The following GRK5 variants were observed in gnomAD, a reference collection of about 807,000 sequenced individuals.
GRK5 encodes the protein G protein-coupled receptor kinase 5.
In GRK5, 40 loss-of-function variants were observed where a neutral mutation model predicts 78.4. The ratio of observed to expected loss-of-function variants is 0.51; its 90% CI spans 0.40 to 0.66. GRK5 has a LOEUF of 0.66. Among genes scored for constraint, GRK5 ranks in the 30% least tolerant of loss-of-function variants. The pLI is 0.00. For missense variants in GRK5, 598 were observed against 759.9 expected (o/e 0.79, Z 2.50); for synonymous variants, 289 against 296.8 (o/e 0.97, Z 0.27).
chr10:119,425,206 T>G (rs1852651281), intron 6 of GRK5, 121 bp downstream of exon 6: 1 of 683,184 alleles, frequency 1.5e-6, no homozygotes, highest in African/African-American at 1.8e-5. Context: ...TTAACCCGAC[T>G]CCCCCTGTTA....
chr10:119,445,491 C>T lies in GRK5; in HGVS notation c.1266+1739C>T, dbSNP rs1853126785. Among the ~76,000 whole-genome samples, 1 of 152,168 alleles carries T rather than the reference C, an allele frequency of 6.6e-6. No homozygotes were observed. Among genetic ancestry groups the T allele is most frequent in the African/African-American group, 2.4e-5 (1 of 41,442 alleles). ...TGGAGCTGGGATCTCCTGCTGCAGC[C>T]TGGACCAGGGTGCTGCTGTCCCTCT... On this transcript the variant is annotated intron_variant, in intron 12 of 15. Coordinates refer to ENST00000392870, the MANE Select transcript of GRK5 (RefSeq NM_005308.3). This position sits in a 1 kb window ranked among gnomAD's most constrained non-coding sequence, Gnocchi z 4.1.
intron 1 of GRK5, among the ~76,000 whole-genome samples, chr10:119,321,354 C>A (rs1290731112): frequency 1.3e-5 from 2 of 152,230 alleles, no homozygotes; most frequent in Non-Finnish European, 2.9e-5. Context: ...TAGTATCTTA[C>A]CGTTCTGGAG....
At chr10:119,423,143 C>G in intron 4 of GRK5, 23 bp from the exon 5 acceptor site, 1 of 1,546,428 alleles carries the variant, frequency 6.5e-7, no homozygotes, top group Non-Finnish European at 8.9e-7. Context: ...CACTGACCAC[C>G]TCCCTTCCCT....
At chr10:119,394,215 GGT>G (rs1851947895) in intron 3 of GRK5, among the ~76,000 whole-genome samples, 1 of 135,850 alleles carries the variant, frequency 7.4e-6, no homozygotes, top group Non-Finnish European at 1.6e-5. Flanking sequence ...TCTGTGTGTG[GGT>G]ACGTGTGGGT....
intron 1 of GRK5, among the ~76,000 whole-genome samples, chr10:119,250,418 G>A (rs1849180562): frequency 6.6e-6 from 1 of 151,982 alleles, no homozygotes; most frequent in African/African-American, 2.4e-5. Flanking sequence ...ATTTGAGGCA[G>A]GGTCTCGCTC....
At chr10:119,259,368 A>T (rs1436024565) in intron 1 of GRK5, among the ~76,000 whole-genome samples, 3 of 151,640 alleles carry the variant, frequency 2.0e-5, no homozygotes, top group Non-Finnish European at 4.4e-5. Flanking sequence ...CCGGCCTAAC[A>T]CTCCCTCTTT....
At chr10:119,290,118 G>A (rs961840093) in intron 1 of GRK5, among the ~76,000 whole-genome samples, 11 of 152,154 alleles carry the variant, frequency 7.2e-5, no homozygotes, top group East Asian at 3.9e-4. Flanking sequence ...AGGCCAAGGC[G>A]GGTGGATTGC....
At chr10:119,417,567 AT>A (rs751736371) in intron 4 of GRK5, among the ~76,000 whole-genome samples, 3,256 of 55,534 alleles carry the variant, frequency 0.059, 73 homozygotes, top group East Asian at 0.2. Context: ...CAACAGTCTC[AT>A]CATTGAAAAT....
rs375707009 is a variant in GRK5, at chr10:119,352,563, A to G, written c.148+25952A>G. On this transcript the variant is annotated intron_variant, in intron 2 of 15. Transcript: ENST00000392870. ...GACTGCAGTTGAGTGGGTAAGAAAA[A>G]GCCTCCTCTAACCAGACTTGCCTCT... Among the ~76,000 whole-genome samples the G allele has an allele frequency of 5.1e-4, 78 of 152,282 alleles. No individual in the cohort carries two copies. In the East Asian group the frequency reaches 7.5e-3, roughly 15 times the overall value.
At chr10:119,239,597 A>G (rs1037289356) in intron 1 of GRK5, among the ~76,000 whole-genome samples, 1 of 152,122 alleles carries the variant, frequency 6.6e-6, no homozygotes, top group Non-Finnish European at 1.5e-5. Context: ...TTTGTTACAT[A>G]GGTATACATG....
At chr10:119,423,072 G>T (rs1014269199) in intron 4 of GRK5, 94 bp from the exon 5 acceptor site, 3 of 787,002 alleles carry the variant, frequency 3.8e-6, no homozygotes, top group East Asian at 2.4e-5. Flanking sequence ...AGCACCTGGA[G>T]CGTGGCTGGT....
At chr10:119,239,561 T>C (rs1051186770) in intron 1 of GRK5, among the ~76,000 whole-genome samples, 1 of 152,152 alleles carries the variant, frequency 6.6e-6, no homozygotes, top group East Asian at 1.9e-4. Flanking sequence ...TTTTAAGTTC[T>C]GGGATACATG....
intron 1 of GRK5, among the ~76,000 whole-genome samples, chr10:119,269,506 C>T (rs1478503070): frequency 1.3e-5 from 2 of 151,970 alleles, no homozygotes; most frequent in Non-Finnish European, 1.5e-5. Context: ...GTGCTCTCAT[C>T]CTGGGGAGTC....
intron 2 of GRK5, 45 bp from the exon 3 acceptor site, chr10:119,380,770 G>A (rs1851697120): frequency 2.4e-6 from 3 of 1,234,858 alleles, no homozygotes; most frequent in Non-Finnish European, 3.6e-6. Flanking sequence ...GGCCCTGCCT[G>A]GCCTTCTCCT....
chr10:119,432,889 G>A (rs1852846866), intron 8 of GRK5, among the ~76,000 whole-genome samples: 1 of 152,148 alleles, frequency 6.6e-6, no homozygotes, highest in Non-Finnish European at 1.5e-5. Context: ...TGGCCAACAT[G>A]GCAAAACCCC....
At chr10:119,249,881 G>A (rs77909200) in intron 1 of GRK5, among the ~76,000 whole-genome samples, 3,229 of 152,294 alleles carry the variant, frequency 0.021, 58 homozygotes, top group Admixed American at 0.054. Flanking sequence ...CTTTGTGCAC[G>A]TGTGCAAGGA....
chr10:119,279,767 C>G (rs1300670419), intron 1 of GRK5, among the ~76,000 whole-genome samples: 1 of 152,256 alleles, frequency 6.6e-6, no homozygotes, highest in Non-Finnish European at 1.5e-5. Flanking sequence ...GCCTGGTGTT[C>G]TAGTGAGTGC....
chr10:119,263,109 G>A (rs982320214), intron 1 of GRK5, among the ~76,000 whole-genome samples: 5 of 152,062 alleles, frequency 3.3e-5, no homozygotes, highest in Admixed American at 2.0e-4. Flanking sequence ...CTGAGTTCAA[G>A]CCATTCTCCT....
chr10:119,371,076 C>G (rs560473660), intron 2 of GRK5, among the ~76,000 whole-genome samples: 36 of 152,216 alleles, frequency 2.4e-4, no homozygotes, highest in African/African-American at 8.7e-4. Context: ...GCGTTCCGTC[C>G]TTGCTCTTAC....
Sources: gnomAD v4.1 joint callset for allele counts (sites outside exome capture counted in the v4.1 genomes callset) on GRCh38, gnomAD v4.1.1 for gene constraint, Gnocchi (gnomAD v3.1) non-coding constraint, MANE v1.5 for transcripts, NCBI Gene and HGNC (gene_info 2026-07-23, HGNC 2026-07-21) for gene names.